RBFOX3: variants seen among roughly 807,000 people sequenced by gnomAD.
RBFOX3 encodes RNA binding protein fox-1 homolog 3.
Under a neutral mutation model 48.7 loss-of-function variants are expected in RBFOX3, and 17 were observed. The ratio of observed to expected loss-of-function variants is 0.35; its 90% CI spans 0.24 to 0.52. RBFOX3 has a LOEUF of 0.52. RBFOX3 is among the 20% of genes least tolerant of loss of function. The pLI is 0.94. For missense variants in RBFOX3, 382 were observed against 497.5 expected, an observed-to-expected ratio of 0.77 and a Z score of 2.21; for synonymous variants, 212 against 209.5, an observed-to-expected ratio of 1.01 and a Z score of -0.10.
chr17:79,435,059 T>G (rs1436189797), intron 2 of RBFOX3, among the ~76,000 whole-genome samples: 2 of 152,194 alleles, frequency 1.3e-5, no homozygotes, highest in Non-Finnish European at 2.9e-5. Flanking sequence ...AGACATGATT[T>G]TTGTGGCCCC....
At position 79,484,366 on chromosome 17, in the gene RBFOX3, C is replaced by T. The variant is rs1191478776; in HGVS notation, c.-319-1768G>A. On this transcript the variant is annotated intron_variant, in intron 1 of 14. Coordinates refer to ENST00000693108, the MANE Select transcript of RBFOX3 (RefSeq NM_001350451.2). ...GGGACCATTGGTACAGAGCCCAGTG[C>T]CCACTGCTGGGTGTGGGAGCCACTC... Among the ~76,000 whole-genome samples, 10 of 152,302 alleles carry T rather than the reference C, an allele frequency of 6.6e-5. No homozygotes were observed. The East Asian group carries it at 1.7e-3, about 26-fold the overall frequency.
At chr17:79,209,088 G>C (rs1341742496) in intron 4 of RBFOX3, among the ~76,000 whole-genome samples, 1 of 152,156 alleles carries the variant, frequency 6.6e-6, no homozygotes, top group African/African-American at 2.4e-5. Context: ...CAAAGTGCTG[G>C]GATTACAGGC....
intron 3 of RBFOX3, among the ~76,000 whole-genome samples, chr17:79,283,111 G>C (rs888793519): frequency 6.6e-6 from 1 of 152,136 alleles, no homozygotes; most frequent in Admixed American, 6.5e-5. Context: ...GGAAGAAAAC[G>C]CTTGCTAAAG....
chr17:79,135,617 G>C (rs983420434), intron 4 of RBFOX3, among the ~76,000 whole-genome samples: 2 of 152,182 alleles, frequency 1.3e-5, no homozygotes, highest in African/African-American at 4.8e-5. Flanking sequence ...GGCATCGGGG[G>C]AGGGATTCCC....
intron 2 of RBFOX3, among the ~76,000 whole-genome samples, chr17:79,412,162 G>A (rs921164315): frequency 1.3e-5 from 2 of 149,712 alleles, no homozygotes; most frequent in African/African-American, 5.0e-5. Context: ...TGTGTGTGGT[G>A]TAAGTGTGTA....
intron 2 of RBFOX3, among the ~76,000 whole-genome samples, chr17:79,377,626 C>G (rs764540753): frequency 6.6e-6 from 1 of 152,212 alleles, no homozygotes; most frequent in Non-Finnish European, 1.5e-5. Flanking sequence ...AGCAGGGAGC[C>G]AGAACGGCAT....
chr17:79,150,049 GGGGATGGGGGTTGAGGGTGGGGGTT>G, intron 4 of RBFOX3, among the ~76,000 whole-genome samples: 1 of 43,516 alleles, frequency 2.3e-5, no homozygotes, highest in African/African-American at 7.0e-5. Context: ...GGTGGGGGAT[GGGGATGGGGGTTGAGGGTGGGGGTT>G]TGGGGTGGAT....
At chr17:79,453,762 G>A (rs782235067) in intron 2 of RBFOX3, among the ~76,000 whole-genome samples, 52 of 152,256 alleles carry the variant, frequency 3.4e-4, no homozygotes, top group Admixed American at 1.7e-3. Context: ...AGAGGACCCT[G>A]GGGGAGAGAT....
chr17:79,182,574 T>C (rs1439574547), intron 4 of RBFOX3, among the ~76,000 whole-genome samples: 2 of 149,506 alleles, frequency 1.3e-5, no homozygotes, highest in African/African-American at 5.0e-5. Flanking sequence ...CGGCTGCTGA[T>C]GCTCTGTGCG....
intron 2 of RBFOX3, among the ~76,000 whole-genome samples, chr17:79,356,835 A>G (rs1477826706): frequency 6.6e-6 from 1 of 152,198 alleles, no homozygotes; most frequent in Non-Finnish European, 1.5e-5. Flanking sequence ...TTGCAGTTAC[A>G]AAGGTGTCAA....
chr17:79,097,921 C>T (rs2075698219), intron 9 of RBFOX3, 176 bp from the exon 10 acceptor site: 6 of 649,142 alleles, frequency 9.2e-6, no homozygotes, highest in Admixed American at 2.5e-5. Flanking sequence ...TTCAAAACAC[C>T]AGGGTCTACT....
intron 3 of RBFOX3, among the ~76,000 whole-genome samples, chr17:79,294,218 C>G (rs1372344714): frequency 2.0e-5 from 3 of 152,236 alleles, no homozygotes; most frequent in Non-Finnish European, 4.4e-5. Flanking sequence ...CAGCAGAATC[C>G]TGGACTGGAG....
At chr17:79,489,610 T>C (rs1338824113) in intron 1 of RBFOX3, among the ~76,000 whole-genome samples, 22 of 152,328 alleles carry the variant, frequency 1.4e-4, no homozygotes, top group African/African-American at 5.3e-4. Flanking sequence ...TTCATTTTTT[T>C]AAAACCATGG....
At chr17:79,542,450 C>T (rs1367217286) in intron 1 of RBFOX3, among the ~76,000 whole-genome samples, 2 of 152,190 alleles carry the variant, frequency 1.3e-5, no homozygotes, top group East Asian at 1.9e-4. Context: ...AGAAGCTGGG[C>T]TTAGACCAGT....
rs73999933 is a variant in RBFOX3 at position 79,259,464 on chromosome 17, G to A, written c.-73-23659C>T. Among the ~76,000 whole-genome samples the A allele has an allele frequency of 5.7e-3, 869 of 152,352 alleles. 8 individuals carry two copies. The highest frequency in any genetic ancestry group is 0.019 in the African/African-American group (806 of 41,582). Reference sequence around the variant, plus strand: ...AGGAGGCACCAGAGATGGGGTCATCGCCAGAGAAGAGCTCTCCTGTGTTCC... The same window carrying A: ...AGGAGGCACCAGAGATGGGGTCATCACCAGAGAAGAGCTCTCCTGTGTTCC... On this transcript the variant is annotated intron_variant, in intron 3 of 14. Transcript: ENST00000693108.
chr17:79,113,643 T>C (rs2032875569), intron 5 of RBFOX3, among the ~76,000 whole-genome samples: 1 of 152,158 alleles, frequency 6.6e-6, no homozygotes, highest in Non-Finnish European at 1.5e-5. Flanking sequence ...GAGTACTTCA[T>C]TGGATGCAGC....
chr17:79,610,070 G>C (rs2093936197), intron 1 of RBFOX3, among the ~76,000 whole-genome samples: 1 of 152,072 alleles, frequency 6.6e-6, no homozygotes, highest in South Asian at 2.1e-4. Flanking sequence ...TTGGGGACTC[G>C]GCCCGGAGCG....
At chr17:79,151,975 C>T (rs1272404494) in intron 4 of RBFOX3, among the ~76,000 whole-genome samples, 1 of 151,454 alleles carries the variant, frequency 6.6e-6, no homozygotes, top group African/African-American at 2.4e-5. Flanking sequence ...GGAGCTCCCA[C>T]ATCCCCCATC....
chr17:79,324,004 C>T (rs948520890), intron 2 of RBFOX3, among the ~76,000 whole-genome samples: 1 of 152,200 alleles, frequency 6.6e-6, no homozygotes, highest in Non-Finnish European at 1.5e-5. Context: ...TTGGGTGCAG[C>T]AGGTGGGAGA....
Sources: allele counts gnomAD v4.1 joint callset (sites outside exome capture counted in the v4.1 genomes callset), GRCh38; gene constraint gnomAD v4.1.1; transcripts MANE v1.5; gene names NCBI Gene and HGNC (gene_info 2026-07-23, HGNC 2026-07-21).